Variants in DEPDC5 observed in about 807,000 individuals in gnomAD.
The protein encoded by DEPDC5 is GATOR1 complex protein DEPDC5.
In DEPDC5, 73 loss-of-function variants were observed where a neutral mutation model predicts 217.3. That is an observed-to-expected ratio of 0.34 (90% CI 0.28 to 0.41). The LOEUF (loss-of-function observed/expected upper bound fraction) is 0.41. Among genes scored for constraint, DEPDC5 ranks in the 10% least tolerant of loss-of-function variants. DEPDC5 has a pLI of 1.00. For synonymous variants in DEPDC5, 733 were observed against 756.7 expected (o/e 0.97, Z 0.51); for missense variants, 1,675 against 2,070.1 (o/e 0.81, Z 3.70).
intron 40 of DEPDC5, among the ~76,000 whole-genome samples, chr22:31,898,281 C>T (rs1437269640): frequency 6.6e-6 from 1 of 152,152 alleles, no homozygotes; most frequent in African/African-American, 2.4e-5. Context: ...CCTGGACCTG[C>T]TGCTCTACCC....
chr22:31,861,227 C>G, intron 32 of DEPDC5, 141 bp from the exon 33 acceptor site: 1,631 of 242,338 alleles, frequency 6.7e-3, no homozygotes, highest in East Asian at 0.016. Context: ...GTCCTTGTTT[C>G]TCTCCTTCCC....
At chr22:31,775,873 C>G (rs1261337649) in intron 7 of DEPDC5, among the ~76,000 whole-genome samples, 1 of 151,730 alleles carries the variant, frequency 6.6e-6, no homozygotes, top group South Asian at 2.1e-4. Context: ...AACCTCATCT[C>G]TACTAAAAAT....
At chr22:31,905,244 A>G (rs1315490970) in intron 41 of DEPDC5, among the ~76,000 whole-genome samples, 2 of 149,356 alleles carry the variant, frequency 1.3e-5, no homozygotes, top group East Asian at 2.1e-4. Context: ...GTGCAATGGC[A>G]TGATCTTAGC....
rs2093752338 is a variant in DEPDC5 at position 31,906,058 on chromosome 22, A to G, written c.4511A>G (p.His1504Arg). The change falls in exon 42 of 43, where the codon CAC becomes CGC. Residue 1504 changes from histidine (H) to arginine (R), a missense_variant. Coordinates refer to ENST00000651528, the MANE Select transcript of DEPDC5 (RefSeq NM_001242896.3). This position sits in a 1 kb window ranked among gnomAD's most constrained non-coding sequence, Gnocchi z 5.1. ...FPAENKPQYI[H>R]VTGTVFLQLP... is the part of the protein sequence containing the mutation. ...GCTGAGAACAAGCCTCAGTATATCCACGTTACAGGTGAGGAGCTACGGGCA... is the reference window on the plus strand; with the variant it reads ...GCTGAGAACAAGCCTCAGTATATCCGCGTTACAGGTGAGGAGCTACGGGCA... The G allele has an allele frequency of 6.2e-7, 1 of 1,613,962 alleles. No individual in the cohort carries two copies. Among genetic ancestry groups the G allele is most frequent in the African/African-American group, 1.3e-5 (1 of 74,878 alleles).
intron 31 of DEPDC5, among the ~76,000 whole-genome samples, chr22:31,855,114 G>A (rs931438386): frequency 4.6e-5 from 7 of 151,908 alleles, no homozygotes; most frequent in South Asian, 2.1e-4. Context: ...ACAGACGTGC[G>A]CCACCACGCC....
intron 24 of DEPDC5, among the ~76,000 whole-genome samples, chr22:31,823,493 A>G (rs1342145532): frequency 6.9e-6 from 1 of 145,128 alleles, no homozygotes; most frequent in Non-Finnish European, 1.5e-5. Flanking sequence ...AGGTTGTGCC[A>G]TTGTACTCCA....
Position 31,837,150 on chromosome 22 carries a change from C to T in DEPDC5, c.2349C>T (p.Ile783=), listed in dbSNP as rs771501558. 8.7e-6 allele frequency: 14 copies of T among 1,614,024 alleles called. No individual in the cohort carries two copies. The highest frequency in any genetic ancestry group is 1.1e-5 in the Non-Finnish European group (13 of 1,180,012). Residue 783 remains isoleucine (I), a synonymous_variant, in exon 26 of 43, where the codon ATC becomes ATT. Transcript: ENST00000651528. ...GCYDLLPEAD[I]DRRDEDGVQM... ...ATGATCTCCTTCCAGAAGCAGACAT[C>T]GACAGGTCAGTGTCAGAGAAAAAGG...
chr22:31,837,454 A>G (rs2091096404), intron 26 of DEPDC5: 7 of 422,538 alleles, frequency 1.7e-5, no homozygotes, highest in Non-Finnish European at 4.1e-6. Flanking sequence ...GAGTACAAAC[A>G]GTCTTTCCAC....
chr22:31,880,567 T>C (rs1769910817), intron 38 of DEPDC5, among the ~76,000 whole-genome samples: 1 of 152,186 alleles, frequency 6.6e-6, no homozygotes, highest in Non-Finnish European at 1.5e-5. Flanking sequence ...TGGAATCCTT[T>C]ACTAGCTGGT....
Position 31,897,585 on chromosome 22 carries a change from G to A in DEPDC5, c.4307G>A (p.Arg1436His), listed in dbSNP as rs948206788. ...LPSYLYGDPLRAQLFIPLNIS... is the reference protein window; with the variant it reads ...LPSYLYGDPLHAQLFIPLNIS... ...AGTTACCTGTATGGCGACCCCCTTC[G>A]TGCCCAGCTCTTCATCCCACTCAAC... The change falls in exon 40 of 43, where the codon CGT becomes CAT. Residue 1436 changes from arginine (R) to histidine (H), a missense_variant. By Grantham distance (29) the Arg-to-His change is conservative. This residue lies in a region of DEPDC5 where 182 missense variants were observed against 290.1 expected (regional missense o/e 0.63). Transcript: ENST00000651528. 20 of 1,613,918 alleles carry A rather than the reference G, an allele frequency of 1.2e-5. No individual in the cohort carries two copies. Among genetic ancestry groups the A allele is most frequent in the Non-Finnish European group, 1.6e-5 (19 of 1,180,016 alleles).
chr22:31,899,698 T>C (rs1172908740), intron 40 of DEPDC5, among the ~76,000 whole-genome samples: 1 of 152,168 alleles, frequency 6.6e-6, no homozygotes, highest in African/African-American at 2.4e-5. Flanking sequence ...GGCTTTTTGC[T>C]CTTTAGTTGC....
chr22:31,836,906 C>CCT, intron 25 of DEPDC5, 66 bp from the exon 26 acceptor site: 1 of 1,436,056 alleles, frequency 7.0e-7, no homozygotes. Context: ...CTTCCCTCCC[C>CCT]TGGCCCCCCA....
intron 30 of DEPDC5, among the ~76,000 whole-genome samples, chr22:31,846,239 C>T (rs1247896310): frequency 1.3e-5 from 2 of 152,126 alleles, no homozygotes; most frequent in Admixed American, 6.5e-5. Context: ...AATATGTGAC[C>T]TTTTGAGGCT....
chr22:31,874,709 C>T (rs956554242), intron 36 of DEPDC5, among the ~76,000 whole-genome samples: 2 of 152,170 alleles, frequency 1.3e-5, no homozygotes, highest in Non-Finnish European at 2.9e-5. Context: ...TCCCTCTGAC[C>T]TCAAGCCGCC....
At chr22:31,857,232 A>G (rs939518120) in intron 31 of DEPDC5, among the ~76,000 whole-genome samples, 2 of 152,222 alleles carry the variant, frequency 1.3e-5, no homozygotes, top group South Asian at 4.1e-4. Flanking sequence ...ATGCTTTTAA[A>G]GTTGGGCTAT....
Position 31,755,038 on chromosome 22 carries a change from A to C in DEPDC5, c.58+59A>C, listed in dbSNP as rs191858738. The C allele has an allele frequency of 3.8e-6, 6 of 1,590,078 alleles. No individual in the cohort carries two copies. In the African/African-American group the frequency reaches 6.7e-5, roughly 18 times the overall value. On this transcript the variant is annotated intron_variant, in intron 2 of 42. Transcript: ENST00000651528. ...GTTGGCTGAGGTTCTGGTGTGTGCA[A>C]TACCTAGAAATTACACACTGACTCG...
intron 18 of DEPDC5, among the ~76,000 whole-genome samples, chr22:31,809,236 G>A (rs973437636): frequency 6.6e-6 from 1 of 152,134 alleles, no homozygotes; most frequent in Non-Finnish European, 1.5e-5. Flanking sequence ...CGTAGTGAAG[G>A]GGGAGGCATG....
At chr22:31,884,472 C>T (rs1440968057) in intron 38 of DEPDC5, among the ~76,000 whole-genome samples, 1 of 152,246 alleles carries the variant, frequency 6.6e-6, no homozygotes, top group Non-Finnish European at 1.5e-5. Context: ...AGTCCTGGTC[C>T]TCCTTGCCCT....
intron 38 of DEPDC5, among the ~76,000 whole-genome samples, chr22:31,886,513 A>T (rs1476058075): frequency 6.6e-6 from 1 of 151,966 alleles, no homozygotes; most frequent in African/African-American, 2.4e-5. Context: ...TAATCCCAAC[A>T]CTTTGGAAGG....
Sources: allele counts gnomAD v4.1 joint callset (sites outside exome capture counted in the v4.1 genomes callset), GRCh38; gene constraint gnomAD v4.1.1; regional missense constraint gnomAD v4.1.1; non-coding constraint Gnocchi (gnomAD v3.1); transcripts MANE v1.5; gene names NCBI Gene and HGNC (gene_info 2026-07-23, HGNC 2026-07-21).